The following DNM3 variants were observed in gnomAD, a reference collection of about 807,000 sequenced individuals.
DNM3 encodes the protein dynamin-3.
A neutral mutation model predicts 101.6 loss-of-function variants in DNM3; 47 were observed. The observed-to-expected ratio is 0.46, with a 90% CI of 0.37 to 0.59. The LOEUF (loss-of-function observed/expected upper bound fraction) is 0.59, where lower values mean the gene tolerates loss of function less well. DNM3 is among the 20% of genes least tolerant of loss of function. The pLI is 0.00. For missense variants in DNM3, 849 were observed against 1,085.7 expected, an observed-to-expected ratio of 0.78 and a Z score of 3.06; for synonymous variants, 385 against 387.9, an observed-to-expected ratio of 0.99 and a Z score of 0.09.
intron 14 of DNM3, among the ~76,000 whole-genome samples, chr1:172,133,725 G>C (rs182081127): frequency 6.6e-6 from 1 of 152,260 alleles, no homozygotes; most frequent in Admixed American, 6.5e-5. Context: ...TACCACTTGA[G>C]CAGAGACTGA....
chr1:171,955,615 T>C (rs902215043), intron 2 of DNM3, among the ~76,000 whole-genome samples: 1 of 152,206 alleles, frequency 6.6e-6, no homozygotes, highest in South Asian at 2.1e-4. Flanking sequence ...TAACCATGTC[T>C]ATTGTGGGAA....
intron 14 of DNM3, chr1:172,137,917 A>T (rs778160084): frequency 1.3e-5 from 2 of 152,162 alleles, no homozygotes; most frequent in Non-Finnish European, 2.9e-5. Context: ...GTGTCAAAAT[A>T]TACATTTCAA....
chr1:172,191,730 A>G (rs1324935278), intron 14 of DNM3, among the ~76,000 whole-genome samples: 1 of 152,100 alleles, frequency 6.6e-6, no homozygotes, highest in Non-Finnish European at 1.5e-5. Flanking sequence ...GAGGTCCTTC[A>G]CATCCCTTGT....
At chr1:172,080,630 G>A (rs1050931729) in intron 11 of DNM3, among the ~76,000 whole-genome samples, 4 of 152,160 alleles carry the variant, frequency 2.6e-5, no homozygotes, top group Non-Finnish European at 5.9e-5. Context: ...CCAGGGGAGT[G>A]AACGGTTCTG....
chr1:171,908,439 T>C (rs987788261), intron 1 of DNM3, among the ~76,000 whole-genome samples: 1 of 152,188 alleles, frequency 6.6e-6, no homozygotes, highest in Non-Finnish European at 1.5e-5. Context: ...GTCAATATTA[T>C]TTGCTAATGG....
At chr1:172,284,700 C>G (rs527641774) in intron 15 of DNM3, among the ~76,000 whole-genome samples, 1 of 152,172 alleles carries the variant, frequency 6.6e-6, no homozygotes, top group Non-Finnish European at 1.5e-5. Context: ...GCATGGAAGT[C>G]TCCCTTAATA....
intron 13 of DNM3, among the ~76,000 whole-genome samples, chr1:172,129,377 G>C (rs1008437920): frequency 1.3e-5 from 2 of 152,180 alleles, no homozygotes; most frequent in East Asian, 3.8e-4. Flanking sequence ...TGGAATGGTA[G>C]GTGGCCCAGG....
intron 4 of DNM3, among the ~76,000 whole-genome samples, chr1:171,997,824 C>T (rs982259968): frequency 2.0e-5 from 3 of 152,058 alleles, no homozygotes; most frequent in Admixed American, 6.6e-5. Context: ...AAAAAATAGG[C>T]TATTGGTTTA....
intron 2 of DNM3, among the ~76,000 whole-genome samples, chr1:171,986,991 G>A (rs576779572): frequency 6.6e-6 from 1 of 152,014 alleles, no homozygotes; most frequent in African/African-American, 2.4e-5. Flanking sequence ...TAAAAACCCA[G>A]TTTTGTTATT....
chr1:172,323,213 A>T, intron 16 of DNM3, 116 bp from the exon 17 acceptor site: 437 of 937,158 alleles, frequency 4.7e-4, no homozygotes, highest in Non-Finnish European at 6.0e-4. Flanking sequence ...AGCAAGAAAA[A>T]CCTCATTTTA....
chr1:172,228,077 T>G (rs1207202616), intron 14 of DNM3, among the ~76,000 whole-genome samples: 1 of 152,166 alleles, frequency 6.6e-6, no homozygotes, highest in Non-Finnish European at 1.5e-5. Flanking sequence ...TTAACTTTTA[T>G]TCATATATAT....
intron 4 of DNM3, among the ~76,000 whole-genome samples, chr1:172,027,496 G>A (rs993535416): frequency 2.0e-5 from 3 of 151,944 alleles, no homozygotes; most frequent in East Asian, 1.9e-4. Flanking sequence ...CAGGAGAATC[G>A]CTGGAACCCG....
At chr1:172,023,182 A>C (rs948500481) in intron 4 of DNM3, among the ~76,000 whole-genome samples, 1 of 152,112 alleles carries the variant, frequency 6.6e-6, no homozygotes, top group Admixed American at 6.5e-5. Flanking sequence ...CTGTTCTCTC[A>C]TTCCCATAGA....
rs749268391 is a variant in DNM3 at position 171,987,641 on chromosome 1, G to C, written c.236-15G>C. 3.9e-6 allele frequency: 6 copies of C among 1,549,976 alleles called. No individual in the cohort carries two copies. The South Asian group carries it at 7.4e-5, about 19-fold the overall frequency. ...CATGAATTTAAGTTGTGTCATTTTG[G>C]TTTTATTTTTGTAGAATATGCCGAG... On this transcript the variant is annotated splice_polypyrimidine_tract_variant and intron_variant, in intron 2 of 20. Transcript: ENST00000627582.
chr1:172,181,583 A>G (rs1477062309), intron 14 of DNM3, among the ~76,000 whole-genome samples: 1 of 152,104 alleles, frequency 6.6e-6, no homozygotes, highest in Non-Finnish European at 1.5e-5. Context: ...ATTTCTCTAC[A>G]GAGTTGTTTT....
At chr1:171,941,260 GA>G (rs1381154355) in intron 2 of DNM3, among the ~76,000 whole-genome samples, 1 of 152,066 alleles carries the variant, frequency 6.6e-6, no homozygotes, top group East Asian at 1.9e-4. Context: ...GGATGGCTAG[GA>G]AAAAAATTTA....
intron 16 of DNM3, among the ~76,000 whole-genome samples, chr1:172,318,528 C>G (rs996845517): frequency 2.0e-5 from 3 of 152,208 alleles, no homozygotes; most frequent in Non-Finnish European, 4.4e-5. Context: ...TGATAAGCAA[C>G]TTCAGCAAAG....
chr1:172,028,544 G>A (rs191845611), intron 4 of DNM3, among the ~76,000 whole-genome samples: 15 of 151,954 alleles, frequency 9.9e-5, no homozygotes, highest in African/African-American at 1.7e-4. Context: ...AAAAACTAGC[G>A]GAAGAGAAGA....
intron 17 of DNM3, among the ~76,000 whole-genome samples, chr1:172,348,528 T>C (rs1031146765): frequency 1.3e-5 from 2 of 152,212 alleles, no homozygotes; most frequent in African/African-American, 4.8e-5. Flanking sequence ...CTGATTCCTA[T>C]GCCTATGTTC....
Sources: allele counts gnomAD v4.1 joint callset (sites outside exome capture counted in the v4.1 genomes callset), GRCh38; gene constraint gnomAD v4.1.1; transcripts MANE v1.5; gene names NCBI Gene and HGNC (gene_info 2026-07-23, HGNC 2026-07-21).